Variants in THADA observed in about 807,000 individuals in gnomAD.
THADA encodes THADA armadillo repeat containing, also known as tRNA (32-2'-O)-methyltransferase regulator THADA.
In THADA, 213 loss-of-function variants were observed where a neutral mutation model predicts 219.8. The observed-to-expected ratio is 0.97, with a 90% confidence interval of 0.87 to 1.09. THADA has a LOEUF of 1.09. THADA is among the 50% of genes least tolerant of loss of function. The probability of loss-of-function intolerance (pLI) is 0.00; values close to 1 mark genes in which losing one functional copy is unlikely to be tolerated. For synonymous variants in THADA, 1,018 were observed against 828.9 expected, an observed-to-expected ratio of 1.23 and a Z score of -3.92; for missense variants, 2,956 against 2,311.3, an observed-to-expected ratio of 1.28 and a Z score of -5.72.
chr2:43,540,873 T>C (rs1414485020), intron 21 of THADA, among the ~76,000 whole-genome samples: 2 of 152,162 alleles, frequency 1.3e-5, no homozygotes, highest in African/African-American at 4.8e-5. Flanking sequence ...TTTAAGTCTG[T>C]GTATGTGAAA....
intron 29 of THADA, among the ~76,000 whole-genome samples, chr2:43,367,540 T>A (rs936932924): frequency 6.6e-6 from 1 of 152,184 alleles, no homozygotes; most frequent in African/African-American, 2.4e-5. Context: ...TAATTAAATG[T>A]TCTGAGAAAT....
chr2:43,305,486 A>G (rs536343144), intron 31 of THADA, among the ~76,000 whole-genome samples: 1 of 152,274 alleles, frequency 6.6e-6, no homozygotes, highest in Non-Finnish European at 1.5e-5. Flanking sequence ...TGTGGCCCCC[A>G]TCACACACAC....
At chr2:43,295,301 C>T (rs147975654) in intron 31 of THADA, among the ~76,000 whole-genome samples, 1 of 152,236 alleles carries the variant, frequency 6.6e-6, no homozygotes, top group African/African-American at 2.4e-5. Context: ...TGTGGGCAAG[C>T]TGGAGGGTGG....
chr2:43,232,639 G>T, intron 37 of THADA, 74 bp downstream of exon 37: 1 of 1,490,432 alleles, frequency 6.7e-7, no homozygotes, highest in East Asian at 2.3e-5. Flanking sequence ...CCCAGCTGAG[G>T]CTGTAGGTGC....
chr2:43,346,064 C>T (rs1667594898), intron 29 of THADA, among the ~76,000 whole-genome samples: 1 of 151,724 alleles, frequency 6.6e-6, no homozygotes, highest in South Asian at 2.1e-4. Context: ...TTACACGAGA[C>T]AAATGGAGAG....
intron 25 of THADA, among the ~76,000 whole-genome samples, chr2:43,493,680 T>A (rs897341971): frequency 1.3e-5 from 2 of 152,176 alleles, no homozygotes; most frequent in African/African-American, 2.4e-5. Context: ...GTGATATTTT[T>A]AAACAAAAAC....
chr2:43,590,869 T>C lies in THADA; in HGVS notation c.257A>G (p.Tyr86Cys), dbSNP rs748423736. ...QSCLDILAGI[Y>C]LSLSLKNPLK... is the part of the protein sequence containing the mutation. Reference sequence around the variant, plus strand: ...GGGATTCTTTAGACTCAAAGAAAGATAAATGCCTGCTAAGATATCCAAACA... The same window carrying C: ...GGGATTCTTTAGACTCAAAGAAAGACAAATGCCTGCTAAGATATCCAAACA... The change falls in exon 4 of 38, where the codon TAT (tyrosine) becomes TGT (cysteine). Residue 86 changes from tyrosine (Y) to cysteine (C), a missense_variant. Transcript: ENST00000405975. 1.9e-6 allele frequency: 3 copies of C among 1,613,886 alleles called. No homozygotes were observed. Among genetic ancestry groups the C allele is most frequent in the East Asian group, 2.2e-5 (1 of 44,850 alleles).
chr2:43,521,082 G>A (rs538706505), intron 22 of THADA, among the ~76,000 whole-genome samples: 113 of 138,032 alleles, frequency 8.2e-4, no homozygotes, highest in Non-Finnish European at 1.2e-3. Context: ...AGGAAGGGAA[G>A]GAAGGGAAGG....
intron 20 of THADA, 23 bp downstream of exon 20, chr2:43,549,187 A>G: frequency 6.5e-7 from 1 of 1,529,058 alleles, no homozygotes; most frequent in Non-Finnish European, 8.8e-7. Flanking sequence ...CATGAATTAC[A>G]GTATCCATTT....
At chr2:43,518,446 A>G (rs960790929) in intron 22 of THADA, among the ~76,000 whole-genome samples, 7 of 152,172 alleles carry the variant, frequency 4.6e-5, no homozygotes, top group African/African-American at 1.7e-4. Context: ...AATATTTCCT[A>G]CTGAAATCCC....
intron 36 of THADA, among the ~76,000 whole-genome samples, chr2:43,254,349 C>G (rs980876183): frequency 3.3e-5 from 5 of 151,906 alleles, no homozygotes; most frequent in Admixed American, 6.6e-5. Flanking sequence ...CCTTGGGACA[C>G]TGTTTGAGTC....
At chr2:43,532,524 A>T (rs1011635726) in intron 21 of THADA, among the ~76,000 whole-genome samples, 8 of 152,262 alleles carry the variant, frequency 5.3e-5, no homozygotes, top group African/African-American at 1.7e-4. Context: ...CAATAAATGT[A>T]GAAAAGGCCT....
chr2:43,307,112 T>A (rs1020738200), intron 31 of THADA, among the ~76,000 whole-genome samples: 1 of 152,172 alleles, frequency 6.6e-6, no homozygotes, highest in Non-Finnish European at 1.5e-5. Context: ...ACAAAATGTA[T>A]GAAATTATTG....
At chr2:43,582,032 A>G (rs768329979) in intron 7 of THADA, 104 bp from the exon 8 acceptor site, 40 of 776,598 alleles carry the variant, frequency 5.2e-5, no homozygotes, top group Non-Finnish European at 7.2e-5. Flanking sequence ...CCCAAAATCA[A>G]TTTTAAATTA....
At chr2:43,435,732 G>C (rs527695324) in intron 26 of THADA, among the ~76,000 whole-genome samples, 4 of 145,178 alleles carry the variant, frequency 2.8e-5, no homozygotes, top group Admixed American at 1.4e-4. Flanking sequence ...ACAGTGAGCT[G>C]AGATCGTGTA....
chr2:43,255,744 G>A lies in THADA; in HGVS notation c.5297-22862C>T, dbSNP rs563639190. Among the ~76,000 whole-genome samples the A allele has an allele frequency of 5.6e-4, 86 of 152,306 alleles. No homozygotes were observed. In the Middle Eastern group the frequency reaches 0.014, roughly 24 times the overall value. ...GATTCTTAGGCCTCACTCATTATCG[G>A]GTTTCCAGCTGGGGTGAAGCCTCTG... On this transcript the variant is annotated intron_variant, in intron 36 of 37. Coordinates refer to ENST00000405975, the MANE Select transcript of THADA (RefSeq NM_022065.5).
intron 36 of THADA, among the ~76,000 whole-genome samples, chr2:43,272,252 G>A (rs914464178): frequency 4.6e-5 from 7 of 152,224 alleles, no homozygotes; most frequent in Admixed American, 3.9e-4. Flanking sequence ...GATTTTATAT[G>A]TTGCCTTAGG....
intron 22 of THADA, among the ~76,000 whole-genome samples, chr2:43,521,007 G>A (rs184136061): frequency 8.8e-6 from 1 of 113,360 alleles, no homozygotes; most frequent in African/African-American, 3.7e-5. Flanking sequence ...GAAAGGGAGG[G>A]AAGGGAGGGA....
intron 32 of THADA, 21 bp downstream of exon 32, chr2:43,292,813 T>G (rs1674892191): frequency 3.1e-6 from 5 of 1,602,536 alleles, no homozygotes; most frequent in Non-Finnish European, 3.4e-6. Flanking sequence ...AAAGGGCCAG[T>G]CAGTACGTTG....
Sources: gnomAD v4.1 joint callset for allele counts (sites outside exome capture counted in the v4.1 genomes callset) on GRCh38, gnomAD v4.1.1 for gene constraint, MANE v1.5 for transcripts, NCBI Gene and HGNC (gene_info 2026-07-23, HGNC 2026-07-21) for gene names.